SMARCE1: variants seen among roughly 807,000 people sequenced by gnomAD.
SMARCE1 encodes SWI/SNF related BAF chromatin remodeling complex subunit E1, also known as SWI/SNF-related matrix-associated actin-dependent regulator of chromatin subfamily E member 1.
SMARCE1 carries 13 observed loss-of-function variants against 54.9 expected under a neutral mutation model. That is an observed-to-expected ratio of 0.24 (90% confidence interval 0.15 to 0.38). SMARCE1 has a LOEUF of 0.38. SMARCE1 is among the 10% of genes least tolerant of loss of function. SMARCE1 has a pLI of 1.00. For missense variants in SMARCE1, 295 were observed against 523.8 expected (o/e 0.56, Z 4.26); for synonymous variants, 151 against 175.3 (o/e 0.86, Z 1.10).
At chr17:40,634,709 AGTGTTCATG>A (rs537044820) in intron 7 of SMARCE1, 1 of 152,324 alleles carries the variant, frequency 6.6e-6, no homozygotes, top group Non-Finnish European at 1.5e-5. Flanking sequence ...AGTCCTTCTC[AGTGTTCATG>A]GTGTTAATGA....
intron 8 of SMARCE1, chr17:40,631,965 C>T (rs763126850): frequency 1.7e-5 from 9 of 545,312 alleles, no homozygotes; most frequent in African/African-American, 3.8e-5. Flanking sequence ...TAAGTTCACA[C>T]GTATTTCTTA....
intron 7 of SMARCE1, chr17:40,632,705 C>G: frequency 4.7e-6 from 1 of 211,116 alleles, no homozygotes; most frequent in Non-Finnish European, 9.4e-6. Context: ...GAAATTCTGC[C>G]CAATGTTTCA....
chr17:40,643,440 G>A (rs1166734714), intron 3 of SMARCE1: 2 of 152,024 alleles, frequency 1.3e-5, no homozygotes, highest in African/African-American at 2.4e-5. Flanking sequence ...AGAACCCTTG[G>A]TTTTTGTGAA....
chr17:40,632,063 C>T (rs1026075126), intron 8 of SMARCE1, 132 bp downstream of exon 8: 53 of 720,438 alleles, frequency 7.4e-5, no homozygotes, highest in East Asian at 2.1e-4. Flanking sequence ...CTTCCTTAAA[C>T]CTCTTCTCCA....
chr17:40,627,700 C>T lies in SMARCE1; in HGVS notation c.*1085G>A, dbSNP rs2037049156. On this transcript the variant is annotated 3_prime_UTR_variant, in exon 11 of 11. Transcript: ENST00000348513. ...ATACAAATATGTAGTGCATTAAAAA[C>T]ACTGAGACCTTTTTTTCATTTTTTT... is the stretch of plus-strand genomic sequence containing the variant. 1 of 134,718 alleles carries T rather than the reference C, an allele frequency of 7.4e-6. No individual in the cohort carries two copies. The highest frequency in any genetic ancestry group is 1.6e-5 in the Non-Finnish European group (1 of 63,086). The allele number at this position is 134,718 out of a possible 1,614,324, so 8.3% of individuals were successfully genotyped here. A position where few individuals can be genotyped will look rare whatever the true frequency, so the allele number is the denominator to read the frequency against.
At chr17:40,643,692 C>CA (rs1314424176) in intron 3 of SMARCE1, 3 of 152,072 alleles carry the variant, frequency 2.0e-5, no homozygotes, top group Non-Finnish European at 4.4e-5. Flanking sequence ...TAACACATTC[C>CA]AACTAAGCTG....
chr17:40,641,849 CGTT>C (rs2037202879), intron 4 of SMARCE1: 1 of 152,566 alleles, frequency 6.6e-6, no homozygotes, highest in Admixed American at 6.5e-5. Flanking sequence ...ATGCACTTCT[CGTT>C]GTACATATCT....
At chr17:40,643,162 T>C (rs1013107373) in intron 3 of SMARCE1, 1 of 152,242 alleles carries the variant, frequency 6.6e-6, no homozygotes, top group Non-Finnish European at 1.5e-5. Flanking sequence ...TTGGATTTGA[T>C]GGATGTCACA....
Position 40,628,972 on chromosome 17 carries a change from G to A in SMARCE1, c.1049C>T (p.Thr350Ile). ...METEETHLEETTESQQNGEEG... is the reference protein window; with the variant it reads ...METEETHLEEITESQQNGEEG... ...TTCACCATTCTGTTGGCTCTCTGTT[G>A]TTTCTTCAAGGTGTGTCTCCTCTGT... Residue 350 changes from threonine to isoleucine, a missense_variant, in exon 11 of 11, where the codon ACA (threonine) becomes ATA (isoleucine). Around this residue, in one of 5 missense-constraint regions of SMARCE1, gnomAD observed 147 missense variants for 161.4 expected, o/e 0.91. Coordinates refer to ENST00000348513, the MANE Select transcript of SMARCE1 (RefSeq NM_003079.5). 1 of 1,613,690 alleles carries A rather than the reference G, an allele frequency of 6.2e-7. No individual in the cohort carries two copies. Among genetic ancestry groups the A allele is most frequent in the Non-Finnish European group, 8.5e-7 (1 of 1,179,752 alleles).
chr17:40,645,842 G>T lies in SMARCE1; in HGVS notation c.-40C>A. 1.0e-6 allele frequency: 1 copy of T among 958,128 alleles called. No homozygotes were observed. Among genetic ancestry groups the T allele is most frequent in the South Asian group, 3.2e-5 (1 of 31,094 alleles). 59.4% of individuals were successfully genotyped at this position (958,128 alleles called of 1,614,324 possible). ...TTCTCAGTTCCTTAAGAATGAATCT[G>T]AGACACTAAAATAAAAAAAAAAGGA... On this transcript the variant is annotated 5_prime_UTR_variant, in exon 2 of 11. Coordinates refer to ENST00000348513, the MANE Select transcript of SMARCE1 (RefSeq NM_003079.5).
intron 3 of SMARCE1, chr17:40,645,176 G>A: frequency 3.5e-6 from 1 of 288,352 alleles, no homozygotes; most frequent in Non-Finnish European, 6.3e-6. Flanking sequence ...TTTAGAGAGA[G>A]ACAAGAAAGG....
chr17:40,646,969 C>T (rs1185422461), intron 1 of SMARCE1, among the ~76,000 whole-genome samples: 1 of 152,062 alleles, frequency 6.6e-6, no homozygotes, highest in East Asian at 1.9e-4. Flanking sequence ...CCTTTCTGCT[C>T]ACATTAAGGG....
In SMARCE1 at chr17:40,628,844, T is replaced by C. The variant is rs775907713; in HGVS notation, c.1177A>G (p.Ser393Gly). The change falls in exon 11 of 11, where the codon AGT becomes GGT. Residue 393 changes from serine (S) to glycine (G), a missense_variant. By Grantham distance (56) the Ser-to-Gly change is moderately conservative. Coordinates refer to ENST00000348513, the MANE Select transcript of SMARCE1 (RefSeq NM_003079.5). ...SDSNTGSESN[S>G]ATVEEPPTDP... ...GTTGGTGGCTCCTCCACTGTTGCACTGTTGCTCTCCGAGCCAGTGTTACTA... is the reference window on the plus strand; with the variant it reads ...GTTGGTGGCTCCTCCACTGTTGCACCGTTGCTCTCCGAGCCAGTGTTACTA... The C allele has an allele frequency of 1.2e-6, 2 of 1,613,940 alleles. No homozygotes were observed. Among genetic ancestry groups the C allele is most frequent in the Non-Finnish European group, 1.7e-6 (2 of 1,179,850 alleles).
In SMARCE1 at chr17:40,626,697, C is replaced by G. The variant is rs989759311; in HGVS notation, c.*2088G>C. 1 of 152,014 alleles carries G rather than the reference C, an allele frequency of 6.6e-6. No homozygotes were observed. Among genetic ancestry groups the G allele is most frequent in the East Asian group, 1.9e-4 (1 of 5,180 alleles). 9.4% of individuals were successfully genotyped at this position (152,014 alleles called of 1,614,324 possible). ...GATCAGCCTGGCTAACATGGTGAAA[C>G]CCCATCTCTACTAAAAAATACAAAA... On this transcript the variant is annotated 3_prime_UTR_variant, in exon 11 of 11. Coordinates refer to ENST00000348513, the MANE Select transcript of SMARCE1 (RefSeq NM_003079.5).
chr17:40,636,243 C>G (rs939298161), intron 6 of SMARCE1, 141 bp from the exon 7 acceptor site: 19 of 1,168,514 alleles, frequency 1.6e-5, no homozygotes, highest in Non-Finnish European at 2.3e-5. Context: ...GGCAAGAAAT[C>G]TGAGGCCTTG....
In SMARCE1 at chr17:40,631,644, T is replaced by C. The variant is rs2037096715; in HGVS notation, c.764A>G (p.Lys255Arg). 1 of 1,611,712 alleles carries C rather than the reference T, an allele frequency of 6.2e-7. No individual in the cohort carries two copies. ...TGTGCTTTCCAGGAATTTCCTCTTC[T>C]TCTCCTGGTGTCGTTCCTCTATTTG... ...LLQIEERHQE[K>R]KRKFLESTDS... The change falls in exon 9 of 11, where the codon AAG becomes AGG. Residue 255 changes from lysine (K) to arginine (R), a missense_variant. Physicochemically the swap from Lys to Arg is conservative, Grantham distance 26. Coordinates refer to ENST00000348513, the MANE Select transcript of SMARCE1 (RefSeq NM_003079.5).
intron 10 of SMARCE1, chr17:40,629,992 G>A (rs1455764600): frequency 2.5e-6 from 1 of 396,704 alleles, no homozygotes; most frequent in East Asian, 3.7e-5. Context: ...TACCAAGTAT[G>A]ACTACTGTCC....
At position 40,628,377 on chromosome 17, in the gene SMARCE1, CAA is replaced by C. The variant is rs1449395527; in HGVS notation, c.*406_*407del. ...AGAAGCTACCCTTTGCAGAAGTAAA[CAA>C]GAGAGGAGACTTTCAGGAAGCTACT... On this transcript the variant is annotated 3_prime_UTR_variant, in exon 11 of 11. Transcript: ENST00000348513. 51 of 169,034 alleles carry C rather than the reference CAA, an allele frequency of 3.0e-4. No homozygotes were observed. Among genetic ancestry groups the C allele is most frequent in the Non-Finnish European group, 1.0e-4 (8 of 77,968 alleles). The allele number at this position is 169,034 out of a possible 1,614,324, so 10.5% of individuals were successfully genotyped here.
At chr17:40,631,759 G>A in intron 8 of SMARCE1, 66 bp from the exon 9 acceptor site, 1 of 868,004 alleles carries the variant, frequency 1.2e-6, no homozygotes, top group Non-Finnish European at 1.9e-6. Flanking sequence ...TTCAAACAGT[G>A]TACCAAATAA....
Sources: allele counts gnomAD v4.1 joint callset (sites outside exome capture counted in the v4.1 genomes callset), GRCh38; gene constraint gnomAD v4.1.1; regional missense constraint gnomAD v4.1.1; transcripts MANE v1.5; gene names NCBI Gene and HGNC (gene_info 2026-07-23, HGNC 2026-07-21).